Variants in GREB1 observed in about 807,000 individuals in gnomAD.
The protein encoded by GREB1 is protein GREB1.
A neutral mutation model predicts 200.7 loss-of-function variants in GREB1; 106 were observed. The ratio of observed to expected loss-of-function variants is 0.53; its 90% CI spans 0.45 to 0.62. GREB1 has a LOEUF of 0.62. Among genes scored for constraint, GREB1 ranks in the 20% least tolerant of loss-of-function variants. The pLI is 0.00. For synonymous variants in GREB1, 1,132 were observed against 1,092.4 expected, an observed-to-expected ratio of 1.04 and a Z score of -0.72; for missense variants, 2,243 against 2,556.8, an observed-to-expected ratio of 0.88 and a Z score of 2.65.
At chr2:11,613,029 C>T (rs1459217384) in intron 19 of GREB1, among the ~76,000 whole-genome samples, 2 of 152,216 alleles carry the variant, frequency 1.3e-5, no homozygotes, top group Non-Finnish European at 2.9e-5. Flanking sequence ...TGCCGCAATG[C>T]CTGGGCCCTC....
intron 2 of GREB1, among the ~76,000 whole-genome samples, chr2:11,557,619 G>A (rs1288486667): frequency 6.6e-6 from 1 of 152,184 alleles, no homozygotes; most frequent in South Asian, 2.1e-4. Flanking sequence ...AGGTGTGGAG[G>A]TGCTTGTCTT....
At chr2:11,593,397 G>C (rs1019216909) in intron 11 of GREB1, among the ~76,000 whole-genome samples, 1 of 139,544 alleles carries the variant, frequency 7.2e-6, no homozygotes, top group Non-Finnish European at 1.5e-5. Context: ...GCTCCACCAC[G>C]TGGGTGGTCA....
At position 11,625,242 on chromosome 2, in the gene GREB1, C is replaced by T. The variant is rs765478405; in HGVS notation, c.4236C>T (p.Tyr1412=). ...LELFKKLPFD[Y]IIHDPKYEDA... ...TGTTCAAGAAGTTGCCCTTTGACTACATCATTCACGACCCGAAGTATGAAG... is the reference window on the plus strand; with the variant it reads ...TGTTCAAGAAGTTGCCCTTTGACTATATCATTCACGACCCGAAGTATGAAG... Residue 1412 remains tyrosine (Y), a synonymous_variant, in exon 24 of 33, where the codon TAC becomes TAT. Coordinates refer to ENST00000381486, the MANE Select transcript of GREB1 (RefSeq NM_014668.4). 69 of 1,614,014 alleles carry T rather than the reference C, an allele frequency of 4.3e-5. No individual in the cohort carries two copies. Among genetic ancestry groups the T allele is most frequent in the Non-Finnish European group, 5.8e-5 (68 of 1,179,968 alleles).
chr2:11,545,463 T>G (rs1234931698), intron 1 of GREB1, among the ~76,000 whole-genome samples: 1 of 152,182 alleles, frequency 6.6e-6, no homozygotes, highest in Non-Finnish European at 1.5e-5. Context: ...GCTCCCCTTT[T>G]GGCAAAGCAC....
chr2:11,621,136 T>C (rs1683979682), intron 23 of GREB1, 129 bp downstream of exon 23: 1 of 654,914 alleles, frequency 1.5e-6, no homozygotes, highest in African/African-American at 1.8e-5. Context: ...CCAAGGACCT[T>C]GTAGGGGGTG....
chr2:11,495,552 C>T (rs775592476), intron 1 of GREB1, among the ~76,000 whole-genome samples: 28 of 152,050 alleles, frequency 1.8e-4, no homozygotes, highest in Non-Finnish European at 3.5e-4. Context: ...TGCACTGTTC[C>T]AAGCACTTCA....
At chr2:11,507,023 T>G (rs553576328) in intron 1 of GREB1, among the ~76,000 whole-genome samples, 1 of 152,230 alleles carries the variant, frequency 6.6e-6, no homozygotes, top group Non-Finnish European at 1.5e-5. Context: ...TAACTTATTA[T>G]ACAAAGAAAT....
At chr2:11,552,709 A>G (rs770300112) in intron 1 of GREB1, among the ~76,000 whole-genome samples, 4 of 152,188 alleles carry the variant, frequency 2.6e-5, no homozygotes, top group Admixed American at 6.5e-5. Context: ...CCACAATGGA[A>G]TAACAAAAAG....
intron 23 of GREB1, among the ~76,000 whole-genome samples, chr2:11,622,652 A>C (rs1228558691): frequency 6.6e-6 from 1 of 152,150 alleles, no homozygotes; most frequent in Non-Finnish European, 1.5e-5. Flanking sequence ...AGGCTGGAGC[A>C]CTCTGAGAGG....
intron 9 of GREB1, chr2:11,587,499 C>G (rs752873784): frequency 2.5e-6 from 4 of 1,598,536 alleles, no homozygotes; most frequent in Non-Finnish European, 3.4e-6. Flanking sequence ...TCAGGCCCCA[C>G]TTCTGCATCA....
At chr2:11,560,839 A>T (rs1676947242) in intron 2 of GREB1, among the ~76,000 whole-genome samples, 1 of 152,176 alleles carries the variant, frequency 6.6e-6, no homozygotes, top group African/African-American at 2.4e-5. Context: ...GTTGAGAAAG[A>T]TTTTTACCCC....
rs1196206384 is a variant in GREB1 at position 11,578,362 on chromosome 2, A to G, written c.703A>G (p.Thr235Ala). The G allele has an allele frequency of 1.2e-6, 2 of 1,614,064 alleles. No individual in the cohort carries two copies. The highest frequency in any genetic ancestry group is 1.7e-5 in the Admixed American group (1 of 60,002). The stretch of plus-strand genomic sequence containing the variant: ...TTCCCTCTTCCCAGCCCTGGAGAGC[A>G]CGGCTGCCTTCCCCAGCGAGCCCGT... ...SSSLFPALESTAAFPSEPVPG... is the reference protein window; with the variant it reads ...SSSLFPALESAAAFPSEPVPG... Residue 235 changes from threonine to alanine, a missense_variant, in exon 6 of 33, where the codon ACG (threonine) becomes GCG (alanine). Coordinates refer to ENST00000381486, the MANE Select transcript of GREB1 (RefSeq NM_014668.4).
In GREB1 at chr2:11,549,698, C is replaced by T. The variant is rs73915415; in HGVS notation, c.-161-6756C>T. On this transcript the variant is annotated intron_variant, in intron 1 of 32. Coordinates refer to ENST00000381486, the MANE Select transcript of GREB1 (RefSeq NM_014668.4). ...TAAACAGTTTTTAAGAATTCCTTCTCGTTTTCTCCATGTTTACTTTTTATA... is the reference window on the plus strand; with the variant it reads ...TAAACAGTTTTTAAGAATTCCTTCTTGTTTTCTCCATGTTTACTTTTTATA... Among the ~76,000 whole-genome samples the T allele has an allele frequency of 9.9e-3, 1,514 of 152,258 alleles. 22 individuals are homozygous for T. Among genetic ancestry groups the T allele is most frequent in the African/African-American group, 0.034 (1,420 of 41,538 alleles).
chr2:11,521,074 C>T (rs1673688552), intron 1 of GREB1, among the ~76,000 whole-genome samples: 1 of 152,064 alleles, frequency 6.6e-6, no homozygotes, highest in African/African-American at 2.4e-5. Flanking sequence ...CAGCACTCAC[C>T]CAGGGAGGGA....
At chr2:11,589,006 G>T in intron 10 of GREB1, 75 bp downstream of exon 10, 12 of 1,187,166 alleles carry the variant, frequency 1.0e-5, no homozygotes, top group African/African-American at 1.5e-5. Flanking sequence ...CTCGGCCCTC[G>T]TGGGGGCTGA....
At chr2:11,500,245 T>G (rs754809189) in intron 1 of GREB1, among the ~76,000 whole-genome samples, 8 of 152,096 alleles carry the variant, frequency 5.3e-5, no homozygotes, top group Non-Finnish European at 1.2e-4. Flanking sequence ...TACCGCAACC[T>G]CCACCTCCCG....
intron 1 of GREB1, among the ~76,000 whole-genome samples, chr2:11,537,902 T>C (rs1385194415): frequency 6.6e-6 from 1 of 152,082 alleles, no homozygotes; most frequent in Non-Finnish European, 1.5e-5. Flanking sequence ...TGTTGTATCC[T>C]AAGTGTGTCT....
upstream of GREB1, among the ~76,000 whole-genome samples, chr2:11,531,730 C>T (rs931009133): frequency 6.6e-6 from 1 of 152,108 alleles, no homozygotes; most frequent in African/African-American, 2.4e-5. Flanking sequence ...GCCACCATGA[C>T]CAGCTAATTT....
intron 1 of GREB1, among the ~76,000 whole-genome samples, chr2:11,517,907 C>A (rs1356288577): frequency 5.3e-5 from 8 of 152,190 alleles, no homozygotes; most frequent in African/African-American, 1.9e-4. Flanking sequence ...CCTGCCTTGG[C>A]CTCCCAAAGT....
Sources: allele counts gnomAD v4.1 joint callset (sites outside exome capture counted in the v4.1 genomes callset), GRCh38; gene constraint gnomAD v4.1.1; transcripts MANE v1.5; gene names NCBI Gene and HGNC (gene_info 2026-07-23, HGNC 2026-07-21).